TAGLN2: variants seen among roughly 807,000 people sequenced by gnomAD.
TAGLN2 encodes the protein transgelin-2.
A neutral mutation model predicts 24.9 loss-of-function variants in TAGLN2; 14 were observed. The observed-to-expected ratio is 0.56, with a 90% CI of 0.37 to 0.88. The LOEUF (loss-of-function observed/expected upper bound fraction) is 0.88. Ranked by LOEUF, TAGLN2 falls within the 40% of genes least tolerant of loss-of-function variation. The pLI is 0.00. For synonymous variants in TAGLN2, 77 were observed against 98.2 expected, an observed-to-expected ratio of 0.78 and a Z score of 1.28; for missense variants, 208 against 258.9, an observed-to-expected ratio of 0.80 and a Z score of 1.35.
intron 1 of TAGLN2, among the ~76,000 whole-genome samples, chr1:159,922,348 C>T (rs993952729): frequency 6.6e-6 from 1 of 152,160 alleles, no homozygotes; most frequent in Non-Finnish European, 1.5e-5. Flanking sequence ...AAGAGCAACC[C>T]GCCCCCTCCA....
rs749401951 is a variant in TAGLN2, at chr1:159,920,328, A to T, written c.180+2T>A. 1 of 1,614,094 alleles carries T rather than the reference A, an allele frequency of 6.2e-7. No homozygotes were observed. Among genetic ancestry groups the T allele is most frequent in the Non-Finnish European group, 8.5e-7 (1 of 1,180,016 alleles). Reference sequence around the variant, plus strand: ...TCCAAGCCAGTGGGGCCCGGCTCTCACCGTGCCATCCTTGAGCCAGTTCTG... The same window carrying T: ...TCCAAGCCAGTGGGGCCCGGCTCTCTCCGTGCCATCCTTGAGCCAGTTCTG... On this transcript the variant is annotated splice_donor_variant, in intron 2 of 4. Coordinates refer to ENST00000368097, the MANE Select transcript of TAGLN2 (RefSeq NM_003564.3). LOFTEE classifies it high-confidence loss of function.
intron 4 of TAGLN2, 33 bp from the exon 5 acceptor site, chr1:159,918,974 T>A: frequency 1.9e-6 from 3 of 1,612,598 alleles, no homozygotes; most frequent in Non-Finnish European, 2.5e-6. Context: ...TTAGAGGAGA[T>A]CACAGGCTGC....
intron 1 of TAGLN2, 142 bp downstream of exon 1, chr1:159,925,308 G>A (rs1437951157): frequency 6.6e-6 from 1 of 152,332 alleles, no homozygotes; most frequent in East Asian, 1.9e-4. Flanking sequence ...GACAGCACGG[G>A]GCGGGGTAAA....
At chr1:159,922,794 T>G (rs1249448802) in intron 1 of TAGLN2, among the ~76,000 whole-genome samples, 1 of 152,170 alleles carries the variant, frequency 6.6e-6, no homozygotes, top group Non-Finnish European at 1.5e-5. Context: ...AGCCAGACAC[T>G]TCCAGTGCCC....
At chr1:159,923,446 C>T in intron 1 of TAGLN2, 1 of 1,550,104 alleles carries the variant, frequency 6.5e-7, no homozygotes, top group Non-Finnish European at 8.7e-7. Context: ...CTCACCAAAG[C>T]CAAAGCCAAA....
chr1:159,920,168 A>G, intron 2 of TAGLN2, 162 bp downstream of exon 2: 1 of 1,181,716 alleles, frequency 8.5e-7, no homozygotes. Context: ...AAGGGAGGAA[A>G]GCATGGGCCC....
At chr1:159,923,253 C>G (rs1203880877) in intron 1 of TAGLN2, among the ~76,000 whole-genome samples, 2 of 152,196 alleles carry the variant, frequency 1.3e-5, no homozygotes, top group South Asian at 4.1e-4. Context: ...GAGCTGGGGA[C>G]CCCAAAGGAA....
chr1:159,919,981 C>T (rs144399818), intron 2 of TAGLN2, 146 bp from the exon 3 acceptor site: 2 of 926,942 alleles, frequency 2.2e-6, no homozygotes, highest in East Asian at 2.5e-5. Flanking sequence ...TAGAGTAAGC[C>T]TCACAGTCCT....
intron 4 of TAGLN2, 164 bp from the exon 5 acceptor site, chr1:159,919,105 C>G (rs970346207): frequency 1.6e-6 from 2 of 1,285,444 alleles, no homozygotes; most frequent in African/African-American, 2.9e-5. Flanking sequence ...TCCAAAGGGA[C>G]AGTCATTTGC....
At position 159,920,416 on chromosome 1, in the gene TAGLN2, G is replaced by T; in HGVS notation, c.94C>A (p.Gln32Lys). Residue 32 changes from glutamine (Q) to lysine (K), a missense_variant, in exon 2 of 5, where the codon CAG becomes AAG. By Grantham distance (53) the Gln-to-Lys change is moderately conservative. Coordinates refer to ENST00000368097, the MANE Select transcript of TAGLN2 (RefSeq NM_003564.3). ...TTTCGGCACTGGGTGGTGATCCACT[G>T]GATCAGGATCTGCTCCAGATCTGCA... is the stretch of plus-strand genomic sequence containing the variant. ...YDADLEQILIQWITTQCRKDV... is the reference protein window; with the variant it reads ...YDADLEQILIKWITTQCRKDV... The T allele has an allele frequency of 6.2e-7, 1 of 1,614,224 alleles. No homozygotes were observed. Among genetic ancestry groups the T allele is most frequent in the East Asian group, 2.2e-5 (1 of 44,882 alleles).
At chr1:159,923,302 A>G (rs1188388936) in intron 1 of TAGLN2, 4 of 1,015,382 alleles carry the variant, frequency 3.9e-6, no homozygotes, top group Admixed American at 6.0e-5. Flanking sequence ...ACTGGCAGGG[A>G]GCAACCTAAA....
intron 1 of TAGLN2, among the ~76,000 whole-genome samples, chr1:159,923,037 C>A (rs1553225495): frequency 2.0e-5 from 3 of 152,250 alleles, no homozygotes. Context: ...CAGGCCAGGC[C>A]TGGTCAGCAG....
At chr1:159,919,101 G>T in intron 4 of TAGLN2, 160 bp from the exon 5 acceptor site, 1 of 1,299,436 alleles carries the variant, frequency 7.7e-7, no homozygotes, top group East Asian at 2.4e-5. Context: ...TCTGTCCAAA[G>T]GGACAGTCAT....
chr1:159,918,163 C>T lies in TAGLN2; in HGVS notation c.*637G>A, dbSNP rs1650400844. ...ATCAACAAACTCATCTTCCTCAAGC[C>T]CCAGACCATGGTAGGCAGCCCTCCC... is the stretch of plus-strand genomic sequence containing the variant. On this transcript the variant is annotated 3_prime_UTR_variant, in exon 5 of 5. Transcript: ENST00000368097. The T allele has an allele frequency of 6.6e-6, 1 of 152,294 alleles. No homozygotes were observed. The highest frequency in any genetic ancestry group is 1.5e-5 in the Non-Finnish European group (1 of 68,094). 9.4% of individuals were successfully genotyped at this position (152,294 alleles called of 1,614,324 possible). A position where few individuals can be genotyped will look rare whatever the true frequency, so the allele number is the denominator to read the frequency against.
chr1:159,922,159 G>C (rs765982922), intron 1 of TAGLN2, among the ~76,000 whole-genome samples: 3 of 152,150 alleles, frequency 2.0e-5, no homozygotes, highest in Admixed American at 6.5e-5. Flanking sequence ...TTGGGGCTCT[G>C]CGAAATACAA....
intron 3 of TAGLN2, 135 bp downstream of exon 3, chr1:159,919,526 G>A: frequency 7.5e-7 from 1 of 1,327,846 alleles, no homozygotes; most frequent in Non-Finnish European, 1.1e-6. Context: ...ATATGACCAA[G>A]TGCTCCATGG....
chr1:159,919,716 A>C lies in TAGLN2; in HGVS notation c.300T>G (p.Ala100=). Reference sequence around the variant, plus strand: ...CAGTGGTGTTAATGCCATAGCGCTCAGCTGCTTGCAGGAACTGAGAGATCT... The same window carrying C: ...CAGTGGTGTTAATGCCATAGCGCTCCGCTGCTTGCAGGAACTGAGAGATCT... The part of the protein sequence containing the change: ...MEQISQFLQA[A]ERYGINTTDI... The change falls in exon 3 of 5, where the codon GCT becomes GCG. Residue 100 remains alanine, a synonymous_variant. Coordinates refer to ENST00000368097, the MANE Select transcript of TAGLN2 (RefSeq NM_003564.3). 6.2e-7 allele frequency: 1 copy of C among 1,613,786 alleles called. No homozygotes were observed. Among genetic ancestry groups the C allele is most frequent in the Non-Finnish European group, 8.5e-7 (1 of 1,179,906 alleles).
rs1221714170 is a variant in TAGLN2 at position 159,918,841 on chromosome 1, C to T, written c.559G>A (p.Ala187Thr). 49 of 1,614,108 alleles carry T rather than the reference C, an allele frequency of 3.0e-5. No individual in the cohort carries two copies. The highest frequency in any genetic ancestry group is 4.0e-5 in the Non-Finnish European group (47 of 1,180,030). ...GGCATCCCGTAGCCAGTCATGCCTG[C>T]CTGAGACGCCCCGCGGTTGGTGCCC... ...QMGTNRGASQAGMTGYGMPRQ... is the reference protein window; with the variant it reads ...QMGTNRGASQTGMTGYGMPRQ... The change falls in exon 5 of 5, where the codon GCA becomes ACA. Residue 187 changes from alanine to threonine, a missense_variant. Physicochemically the swap from Ala to Thr is moderately conservative, Grantham distance 58. Transcript: ENST00000368097.
chr1:159,920,262 A>T (rs745700866), intron 2 of TAGLN2, 68 bp downstream of exon 2: 2 of 1,612,640 alleles, frequency 1.2e-6, no homozygotes, highest in East Asian at 4.5e-5. Context: ...CAGGTTAAAC[A>T]ATCCCCAGTC....
Sources: allele counts gnomAD v4.1 joint callset (sites outside exome capture counted in the v4.1 genomes callset), GRCh38; gene constraint gnomAD v4.1.1; transcripts MANE v1.5; gene names NCBI Gene and HGNC (gene_info 2026-07-23, HGNC 2026-07-21).